The following CCL28 variants were observed in gnomAD, a reference collection of about 807,000 sequenced individuals.
CCL28 encodes C-C motif chemokine ligand 28, also known as C-C motif chemokine 28.
CCL28 carries 4 observed loss-of-function variants against 7.1 expected under a neutral mutation model. That is an observed-to-expected ratio of 0.56 (90% CI 0.28 to 1.29). The LOEUF is 1.29. CCL28 is among the 50% of genes most tolerant of loss of function. The pLI is 0.11. For missense variants in CCL28, 151 were observed against 163.4 expected, an observed-to-expected ratio of 0.92 and a Z score of 0.41; for synonymous variants, 55 against 57.8, an observed-to-expected ratio of 0.95 and a Z score of 0.22.
At chr5:43,390,692 A>G (rs944751510) in intron 1 of CCL28, among the ~76,000 whole-genome samples, 1 of 152,216 alleles carries the variant, frequency 6.6e-6, no homozygotes, top group South Asian at 2.1e-4. Flanking sequence ...AAGGGTTCTG[A>G]TTATGCAAGG....
At chr5:43,412,211 C>G (rs200693471) in intron 1 of CCL28, 42 bp downstream of exon 1, 6 of 1,543,466 alleles carry the variant, frequency 3.9e-6, no homozygotes, top group East Asian at 2.3e-5. Flanking sequence ...GGAGATACCC[C>G]CCTTTCCAGT....
intron 1 of CCL28, among the ~76,000 whole-genome samples, chr5:43,392,042 C>G (rs1032311882): frequency 2.6e-5 from 4 of 152,182 alleles, no homozygotes; most frequent in Non-Finnish European, 1.5e-5. Flanking sequence ...AAATCAAATA[C>G]CTCTCTTACC....
At chr5:43,370,675 G>T in the CCL28 span, among the ~76,000 whole-genome samples, 1 of 151,784 alleles carries the variant, frequency 6.6e-6, no homozygotes, top group South Asian at 2.1e-4. Context: ...TCCATTCACA[G>T]AATATGAATC....
At chr5:43,377,663 A>C (rs1739933550), downstream of CCL28, among the ~76,000 whole-genome samples, 1 of 147,494 alleles carries the variant, frequency 6.8e-6, no homozygotes, top group African/African-American at 2.5e-5. Context: ...AAGCAAAGAA[A>C]TGATACTTTA....
the CCL28 span, among the ~76,000 whole-genome samples, chr5:43,365,486 T>G: frequency 6.6e-6 from 1 of 152,216 alleles, no homozygotes; most frequent in South Asian, 2.1e-4. Flanking sequence ...ATTTGGTATG[T>G]TTTTGCAGTG....
chr5:43,376,744 AG>A (rs1299436104), downstream of CCL28: 1 of 152,216 alleles, frequency 6.6e-6, no homozygotes, highest in African/African-American at 2.4e-5. Flanking sequence ...CTGGGAGGCA[AG>A]GGGCTGGAAA....
At chr5:43,363,845 G>A in the CCL28 span, among the ~76,000 whole-genome samples, 4 of 152,178 alleles carry the variant, frequency 2.6e-5, no homozygotes, top group Non-Finnish European at 5.9e-5. Flanking sequence ...ACCCATAAAG[G>A]GGGAGAGGAG....
intron 1 of CCL28, among the ~76,000 whole-genome samples, chr5:43,402,831 T>C (rs1475501034): frequency 6.6e-6 from 1 of 152,164 alleles, no homozygotes; most frequent in African/African-American, 2.4e-5. Context: ...GCTTTTCCAA[T>C]GGTCTTAGCA....
At chr5:43,405,878 A>C (rs1579752289) in intron 1 of CCL28, among the ~76,000 whole-genome samples, 1 of 152,364 alleles carries the variant, frequency 6.6e-6, no homozygotes, top group Non-Finnish European at 1.5e-5. Flanking sequence ...CCTCTATGCA[A>C]ATAAGCTAGA....
intron 2 of CCL28, among the ~76,000 whole-genome samples, chr5:43,385,771 T>A (rs1740311383): frequency 6.6e-6 from 1 of 152,226 alleles, no homozygotes; most frequent in Non-Finnish European, 1.5e-5. Flanking sequence ...TATTTTTAGA[T>A]CCAACTGATT....
At position 43,380,425 on chromosome 5, in the gene CCL28, A is replaced by G. The variant is rs1309522139; in HGVS notation, c.*1435T>C. On this transcript the variant is annotated 3_prime_UTR_variant, in exon 3 of 3. Coordinates refer to ENST00000361115, the MANE Select transcript of CCL28 (RefSeq NM_148672.3). ...ATTTAGAAAATAAACCCTAATATTT[A>G]TGAACTCTAAATGACAAAATAAGTA... is the stretch of plus-strand genomic sequence containing the variant. 1 of 152,248 alleles carries G rather than the reference A, an allele frequency of 6.6e-6. No homozygotes were observed. The highest frequency in any genetic ancestry group is 2.4e-5 in the African/African-American group (1 of 41,468). The allele number at this position is 152,248 out of a possible 1,614,324, so 9.4% of individuals were successfully genotyped here.
chr5:43,404,492 A>G (rs1741182384), intron 1 of CCL28, among the ~76,000 whole-genome samples: 1 of 152,240 alleles, frequency 6.6e-6, no homozygotes, highest in Non-Finnish European at 1.5e-5. Context: ...CTGTCTTACA[A>G]GAGCTCCTGA....
chr5:43,372,579 G>T (rs910287894), downstream of CCL28, among the ~76,000 whole-genome samples: 5 of 151,782 alleles, frequency 3.3e-5, no homozygotes, highest in African/African-American at 4.8e-5. Context: ...ATGTTGGTCA[G>T]GCTGGTCTCA....
chr5:43,386,207 T>C (rs1043973093), intron 2 of CCL28, among the ~76,000 whole-genome samples: 9 of 152,256 alleles, frequency 5.9e-5, no homozygotes, highest in African/African-American at 1.9e-4. Context: ...TGTTTCTAAC[T>C]ACCTAGAGCA....
At chr5:43,373,699 T>C, downstream of CCL28, among the ~76,000 whole-genome samples, 1 of 152,194 alleles carries the variant, frequency 6.6e-6, no homozygotes, top group East Asian at 1.9e-4. Flanking sequence ...CCTTTCTTCA[T>C]CTTTTATAAT....
intron 1 of CCL28, among the ~76,000 whole-genome samples, chr5:43,395,200 A>AAT (rs1056163271): frequency 2.6e-4 from 38 of 148,336 alleles, no homozygotes; most frequent in Non-Finnish European, 3.3e-4. Flanking sequence ...TTGTATATAT[A>AAT]ATATATATAT....
chr5:43,407,437 C>T (rs1450770565), intron 1 of CCL28, among the ~76,000 whole-genome samples: 1 of 152,154 alleles, frequency 6.6e-6, no homozygotes, highest in Non-Finnish European at 1.5e-5. Context: ...ACTGGCTAGC[C>T]ATATGTAGAA....
chr5:43,401,082 CAAAA>C (rs34105761), intron 1 of CCL28, among the ~76,000 whole-genome samples: 1 of 95,048 alleles, frequency 1.1e-5, no homozygotes. Flanking sequence ...GACTCCGTCT[CAAAA>C]AAAAAAAAAA....
intron 2 of CCL28, 43 bp from the exon 3 acceptor site, chr5:43,382,095 T>C (rs1381200696): frequency 6.4e-7 from 1 of 1,555,056 alleles, no homozygotes; most frequent in Non-Finnish European, 8.7e-7. Flanking sequence ...ATATAAAACA[T>C]ATATAAATAA....
Sources: allele counts gnomAD v4.1 joint callset (sites outside exome capture counted in the v4.1 genomes callset), GRCh38; gene constraint gnomAD v4.1.1; transcripts MANE v1.5; gene names NCBI Gene and HGNC (gene_info 2026-07-23, HGNC 2026-07-21).